CDKAL1: variants seen among roughly 807,000 people sequenced by gnomAD.
CDKAL1 encodes CDKAL1 threonylcarbamoyladenosine tRNA methylthiotransferase.
CDKAL1 carries 32 observed loss-of-function variants against 68.2 expected under a neutral mutation model. That is an observed-to-expected ratio of 0.47 (90% CI 0.35 to 0.63). CDKAL1 has a LOEUF of 0.63. CDKAL1 is among the 30% of genes least tolerant of loss of function. CDKAL1 has a pLI of 0.00. For missense variants in CDKAL1, 606 were observed against 696.7 expected (o/e 0.87, Z 1.47); for synonymous variants, 234 against 244.3 (o/e 0.96, Z 0.39).
chr6:20,733,251 A>G (rs1419407966), intron 5 of CDKAL1, among the ~76,000 whole-genome samples: 1 of 152,164 alleles, frequency 6.6e-6, no homozygotes, highest in Non-Finnish European at 1.5e-5. Flanking sequence ...CTGTTCTTCC[A>G]TTCTTCCCTT....
At chr6:20,641,509 C>G (rs1011042530) in intron 4 of CDKAL1, among the ~76,000 whole-genome samples, 5 of 152,174 alleles carry the variant, frequency 3.3e-5, no homozygotes, top group African/African-American at 1.2e-4. Context: ...CAAGGGCAAA[C>G]CAGTTTTTCA....
intron 10 of CDKAL1, among the ~76,000 whole-genome samples, chr6:20,962,757 T>C (rs2150739816): frequency 6.6e-6 from 1 of 152,334 alleles, no homozygotes; most frequent in African/African-American, 2.4e-5. Flanking sequence ...TTTCCCCTTT[T>C]GATGAATAAA....
In CDKAL1 at chr6:20,548,600, C is replaced by T; in HGVS notation, c.181C>T (p.Pro61Ser). The change falls in exon 4 of 16, where the codon CCA becomes TCA. Residue 61 changes from proline (P) to serine (S), a missense_variant. By Grantham distance (74) the Pro-to-Ser change is moderately conservative (BLOSUM62 -1). Coordinates refer to ENST00000274695, the MANE Select transcript of CDKAL1 (RefSeq NM_017774.3). The part of the protein sequence containing the change: ...ENSPPSDSTI[P>S]GIQKIWIRTW... The stretch of plus-strand genomic sequence containing the variant: ...TTATTGATTCCTTAACAGCACTATT[C>T]CAGGCATACAGAAAATTTGGATACG... The T allele has an allele frequency of 6.9e-7, 1 of 1,452,828 alleles. No homozygotes were observed. Among genetic ancestry groups the T allele is most frequent in the Non-Finnish European group, 9.6e-7 (1 of 1,039,960 alleles). The allele number at this position is 1,452,828 out of a possible 1,614,324, so 90.0% of individuals were successfully genotyped here. A position where few individuals can be genotyped will look rare whatever the true frequency, so the allele number is the denominator to read the frequency against.
chr6:20,717,950 C>T (rs1371766823), intron 5 of CDKAL1, among the ~76,000 whole-genome samples: 4 of 152,146 alleles, frequency 2.6e-5, no homozygotes, highest in African/African-American at 9.7e-5. Flanking sequence ...CTGCAGCCTC[C>T]AGGTCTTGAG....
intron 13 of CDKAL1, among the ~76,000 whole-genome samples, chr6:21,176,930 C>T (rs1777608409): frequency 6.6e-6 from 1 of 151,962 alleles, no homozygotes; most frequent in Admixed American, 6.5e-5. Flanking sequence ...AATTCATGAC[C>T]TCATGATCCA....
At chr6:20,961,174 G>T (rs149785316) in intron 10 of CDKAL1, among the ~76,000 whole-genome samples, 2 of 152,246 alleles carry the variant, frequency 1.3e-5, no homozygotes, top group East Asian at 3.9e-4. Context: ...CAATCACAAA[G>T]ACATGGAGTC....
chr6:20,944,086 C>G (rs1353259016), intron 9 of CDKAL1, among the ~76,000 whole-genome samples: 1 of 152,238 alleles, frequency 6.6e-6, no homozygotes, highest in African/African-American at 2.4e-5. Context: ...ACTCCAACCT[C>G]TGTCTCTTCA....
chr6:20,578,142 A>T (rs563095319), intron 4 of CDKAL1, among the ~76,000 whole-genome samples: 1 of 152,364 alleles, frequency 6.6e-6, no homozygotes, highest in East Asian at 1.9e-4. Context: ...AATTACAAAA[A>T]ATCGATACTG....
At chr6:20,672,194 CTT>C (rs1269688208) in intron 5 of CDKAL1, among the ~76,000 whole-genome samples, 2 of 150,232 alleles carry the variant, frequency 1.3e-5, no homozygotes, top group African/African-American at 4.9e-5. Context: ...CTCTCTCTCT[CTT>C]TCTTTCCTTC....
intron 4 of CDKAL1, among the ~76,000 whole-genome samples, chr6:20,600,771 C>CACATATATAT (rs1766051267): frequency 8.1e-6 from 1 of 124,176 alleles, no homozygotes; most frequent in African/African-American, 2.9e-5. Context: ...TATATGTATA[C>CACATATATAT]ATATATATAT....
chr6:20,855,862 G>T (rs975314149), intron 9 of CDKAL1, among the ~76,000 whole-genome samples: 2 of 152,060 alleles, frequency 1.3e-5, no homozygotes, highest in African/African-American at 4.8e-5. Context: ...GATATGTGGA[G>T]ACCACTGATT....
At chr6:21,145,164 G>A (rs892493725) in intron 13 of CDKAL1, among the ~76,000 whole-genome samples, 2 of 152,220 alleles carry the variant, frequency 1.3e-5, no homozygotes, top group East Asian at 1.9e-4. Context: ...AGGCAGTCAC[G>A]TTTTCCTTCT....
At position 21,068,202 on chromosome 6, in the gene CDKAL1, C is replaced by T. The variant is rs941446090; in HGVS notation, c.1236+2974C>T. 5.4e-5 allele frequency among the ~76,000 whole-genome samples: 8 copies of T among 147,726 alleles called. No individual in the cohort carries two copies. The East Asian group carries it at 5.9e-4, about 11-fold the overall frequency. ...TTCATGGTGCCTTTTGAAGAACAGA[C>T]GTTCTTCATTTTAATGTAGAATTTA... On this transcript the variant is annotated intron_variant, in intron 12 of 15. Transcript: ENST00000274695.
At chr6:21,183,302 G>C (rs1777868418) in intron 13 of CDKAL1, among the ~76,000 whole-genome samples, 1 of 152,186 alleles carries the variant, frequency 6.6e-6, no homozygotes, top group Admixed American at 6.5e-5. Flanking sequence ...AGGGAGCAAA[G>C]AGGTCCCTCT....
In CDKAL1 at chr6:21,072,554, C is replaced by CAAAAAAA. The variant is rs71540611; in HGVS notation, c.1236+7346_1236+7352dup. Among the ~76,000 whole-genome samples, 6 of 44,484 alleles carry CAAAAAAA rather than the reference C, an allele frequency of 1.3e-4. 1 individual carries two copies. Among genetic ancestry groups the CAAAAAAA allele is most frequent in the African/African-American group, 4.2e-4 (5 of 11,786 alleles). 29.2% of individuals were successfully genotyped at this position (44,484 alleles called of 152,430 possible). On this transcript the variant is annotated intron_variant, in intron 12 of 15. Coordinates refer to ENST00000274695, the MANE Select transcript of CDKAL1 (RefSeq NM_017774.3). ...TGGGCGACTGAGCGAGACTCCGTCT[C>CAAAAAAA]AAAAAAAAAAAAAAAAAAAAAAAAA...
chr6:20,768,036 A>G (rs1050867423), intron 7 of CDKAL1, among the ~76,000 whole-genome samples: 3 of 152,202 alleles, frequency 2.0e-5, no homozygotes, highest in South Asian at 4.1e-4. Flanking sequence ...AGGAATTAAA[A>G]TGTCCTTATA....
At chr6:21,206,282 G>A (rs925868904) in intron 15 of CDKAL1, among the ~76,000 whole-genome samples, 12 of 151,894 alleles carry the variant, frequency 7.9e-5, no homozygotes, top group Non-Finnish European at 1.3e-4. Flanking sequence ...AGAGAGAGAG[G>A]GAAAAAAATG....
chr6:21,129,453 T>C (rs1775177582), intron 13 of CDKAL1, among the ~76,000 whole-genome samples: 1 of 151,628 alleles, frequency 6.6e-6, no homozygotes, highest in Non-Finnish European at 1.5e-5. Flanking sequence ...CAACCTACTG[T>C]GAGTAGAAAA....
At chr6:21,170,077 A>G (rs559210149) in intron 13 of CDKAL1, among the ~76,000 whole-genome samples, 6 of 152,266 alleles carry the variant, frequency 3.9e-5, no homozygotes, top group African/African-American at 1.4e-4. Flanking sequence ...ATGCAAAGTA[A>G]TGATGAAGAC....
Sources: gnomAD v4.1 joint callset for allele counts (sites outside exome capture counted in the v4.1 genomes callset) on GRCh38, gnomAD v4.1.1 for gene constraint, MANE v1.5 for transcripts, NCBI Gene and HGNC (gene_info 2026-07-23, HGNC 2026-07-21) for gene names.